Variants in ACTL8 observed in about 807,000 individuals in gnomAD.
ACTL8 encodes actin like 8, also known as actin-like protein 8.
Under a neutral mutation model 9.3 loss-of-function variants are expected in ACTL8, and 3 were observed. That is an observed-to-expected ratio of 0.32 (90% CI 0.15 to 0.83). The LOEUF is 0.83. Among genes scored for constraint, ACTL8 ranks in the 40% least tolerant of loss-of-function variants. The pLI is 0.57. For missense variants in ACTL8, 381 were observed against 492.2 expected, an observed-to-expected ratio of 0.77 and a Z score of 2.14; for synonymous variants, 224 against 205.9, an observed-to-expected ratio of 1.09 and a Z score of -0.75.
chr1:17,773,223 C>T lies in ACTL8; in HGVS notation c.-25+17719C>T, dbSNP rs374179333. Among the ~76,000 whole-genome samples the T allele has an allele frequency of 2.0e-3, 297 of 152,230 alleles. 1 individual carries two copies. The highest frequency in any genetic ancestry group is 2.4e-3 in the African/African-American group (98 of 41,532). ...CTTTGTTCGAGTAGCTCCTGGCTGC[C>T]GGCTGTGTACCTACTGGTGGCCCCT... is the stretch of plus-strand genomic sequence containing the variant. On this transcript the variant is annotated intron_variant, in intron 1 of 2. Transcript: ENST00000375406.
chr1:17,816,111 G>C (rs1302864192), intron 1 of ACTL8, among the ~76,000 whole-genome samples: 1 of 151,770 alleles, frequency 6.6e-6, no homozygotes, highest in African/African-American at 2.4e-5. Context: ...AGAGCTTTCA[G>C]AACTTACTGT....
intron 1 of ACTL8, among the ~76,000 whole-genome samples, chr1:17,822,041 C>T (rs765562213): frequency 1.1e-4 from 17 of 152,298 alleles, no homozygotes; most frequent in Middle Eastern, 3.4e-3. Flanking sequence ...CTGCTGTTCT[C>T]CCCACTTTAC....
At chr1:17,763,793 C>G (rs1022873356) in intron 1 of ACTL8, among the ~76,000 whole-genome samples, 2 of 152,164 alleles carry the variant, frequency 1.3e-5, no homozygotes, top group Non-Finnish European at 2.9e-5. Context: ...CGGTTGGGAG[C>G]CTTGGGGCTG....
chr1:17,799,793 C>T (rs757790483), intron 1 of ACTL8, among the ~76,000 whole-genome samples: 39 of 152,274 alleles, frequency 2.6e-4, no homozygotes, highest in African/African-American at 9.1e-4. Flanking sequence ...CACACAACCT[C>T]GTTTTTCTCT....
chr1:17,810,506 C>T (rs2066386736), intron 1 of ACTL8, among the ~76,000 whole-genome samples: 1 of 152,176 alleles, frequency 6.6e-6, no homozygotes, highest in Non-Finnish European at 1.5e-5. Flanking sequence ...CATCTGTCCC[C>T]AAAATGTTCT....
At chr1:17,800,103 A>G (rs2066309567) in intron 1 of ACTL8, among the ~76,000 whole-genome samples, 1 of 152,174 alleles carries the variant, frequency 6.6e-6, no homozygotes, top group African/African-American at 2.4e-5. Flanking sequence ...GAACTTATTG[A>G]CCATATTCTC....
In ACTL8 at chr1:17,825,929, A is replaced by G. The variant is rs201354656; in HGVS notation, c.511A>G (p.Lys171Glu). The change falls in exon 3 of 3, where the codon AAG becomes GAG. Residue 171 changes from lysine (K) to glutamate (E), a missense_variant. By Grantham distance (56) the Lys-to-Glu change is moderately conservative (BLOSUM62 1). Coordinates refer to ENST00000375406, the MANE Select transcript of ACTL8 (RefSeq NM_030812.3). ...GGGCCGCCCCTTGCCCGCCAGCGGC[A>G]AGACGCTGGAGTTCGCCGGCCAGGA... is the stretch of plus-strand genomic sequence containing the variant. The part of the protein sequence containing the change: ...HQGRPLPASG[K>E]TLEFAGQDLS... The G allele has an allele frequency of 4.4e-4, 716 of 1,612,294 alleles. 6 individuals are homozygous for G. Among genetic ancestry groups the G allele is most frequent in the Non-Finnish European group, 3.2e-5 (38 of 1,180,012 alleles).
chr1:17,791,217 C>T (rs77921054), intron 1 of ACTL8, among the ~76,000 whole-genome samples: 9,342 of 152,226 alleles, frequency 0.061, 718 homozygotes, highest in East Asian at 0.21. Context: ...AGGGGCAGGC[C>T]TCCTGCTTGT....
chr1:17,796,997 G>T (rs183671732), intron 1 of ACTL8, among the ~76,000 whole-genome samples: 1 of 152,144 alleles, frequency 6.6e-6, no homozygotes, highest in East Asian at 1.9e-4. Flanking sequence ...AGTATGGCTC[G>T]TACAGGGCCT....
At chr1:17,769,283 T>C (rs934591252) in intron 1 of ACTL8, among the ~76,000 whole-genome samples, 1 of 151,878 alleles carries the variant, frequency 6.6e-6, no homozygotes, top group African/African-American at 2.4e-5. Context: ...GGTGGCAGAG[T>C]GTAGGGAGAG....
chr1:17,820,581 T>TTTC (rs1553123979), intron 1 of ACTL8, among the ~76,000 whole-genome samples: 1 of 151,692 alleles, frequency 6.6e-6, no homozygotes, highest in African/African-American at 2.4e-5. Flanking sequence ...TTTTTTTTTT[T>TTTC]TTTGAGATGG....
chr1:17,771,838 C>A (rs533798985), intron 1 of ACTL8, among the ~76,000 whole-genome samples: 82 of 152,260 alleles, frequency 5.4e-4, no homozygotes, highest in African/African-American at 2.0e-3. Context: ...GGGGTCACCA[C>A]CGTTTCTTGC....
chr1:17,803,188 T>C (rs2066335715), intron 1 of ACTL8, among the ~76,000 whole-genome samples: 1 of 152,090 alleles, frequency 6.6e-6, no homozygotes, highest in Non-Finnish European at 1.5e-5. Context: ...GATTGTTTTA[T>C]AAGGGGTTTC....
chr1:17,793,700 G>A (rs1419053416), intron 1 of ACTL8, among the ~76,000 whole-genome samples: 2 of 152,070 alleles, frequency 1.3e-5, no homozygotes, highest in Non-Finnish European at 2.9e-5. Context: ...ACCTACCCTG[G>A]TCTGGGTTAG....
chr1:17,818,501 T>C (rs1043044521), intron 1 of ACTL8, among the ~76,000 whole-genome samples: 1 of 152,180 alleles, frequency 6.6e-6, no homozygotes, highest in African/African-American at 2.4e-5. Flanking sequence ...CCTTCTCAGA[T>C]CTCCAGTATC....
intron 1 of ACTL8, among the ~76,000 whole-genome samples, chr1:17,797,027 C>T (rs948336989): frequency 1.1e-4 from 16 of 152,252 alleles, no homozygotes; most frequent in Non-Finnish European, 2.1e-4. Flanking sequence ...GTGGTATCCA[C>T]ACTCCTAGCA....
At chr1:17,800,811 T>G (rs11583571) in intron 1 of ACTL8, among the ~76,000 whole-genome samples, 24,789 of 151,606 alleles carry the variant, frequency 0.16, 2,768 homozygotes, top group African/African-American at 0.31. Context: ...GCCAGGCTGG[T>G]CTCAAACTCC....
At chr1:17,776,731 C>T (rs898397017) in intron 1 of ACTL8, among the ~76,000 whole-genome samples, 8 of 152,108 alleles carry the variant, frequency 5.3e-5, no homozygotes, top group African/African-American at 9.7e-5. Flanking sequence ...ATTCTAGCAC[C>T]GGTCCCTAGG....
intron 1 of ACTL8, among the ~76,000 whole-genome samples, chr1:17,797,380 C>T (rs2066284699): frequency 6.6e-6 from 1 of 152,110 alleles, no homozygotes; most frequent in Admixed American, 6.5e-5. Context: ...AGCTAAGGAC[C>T]CCACCTCTTT....
Sources: gnomAD v4.1 joint callset for allele counts (sites outside exome capture counted in the v4.1 genomes callset) on GRCh38, gnomAD v4.1.1 for gene constraint, MANE v1.5 for transcripts, NCBI Gene and HGNC (gene_info 2026-07-23, HGNC 2026-07-21) for gene names.